GAN: variants seen among roughly 807,000 people sequenced by gnomAD.
GAN encodes the protein epididymis secretory sperm binding protein.
In GAN, 48 loss-of-function variants were observed where a neutral mutation model predicts 71.3. That is an observed-to-expected ratio of 0.67 (90% CI 0.53 to 0.86). The LOEUF is 0.86. GAN is among the 40% of genes least tolerant of loss of function. GAN has a pLI of 0.00. For synonymous variants in GAN, 386 were observed against 276.8 expected, an observed-to-expected ratio of 1.39 and a Z score of -3.92; for missense variants, 928 against 770.1, an observed-to-expected ratio of 1.21 and a Z score of -2.43.
intron 1 of GAN, among the ~76,000 whole-genome samples, chr16:81,350,442 A>C (rs1910261933): frequency 6.6e-6 from 1 of 152,214 alleles, no homozygotes; most frequent in African/African-American, 2.4e-5. Context: ...CCTACTATGG[A>C]GAATAAGTAG....
At position 81,315,296 on chromosome 16, in the gene GAN, C is replaced by G. The variant is rs1377956860; in HGVS notation, c.167+16C>G. On this transcript the variant is annotated intron_variant, in intron 1 of 10. Coordinates refer to ENST00000648994, the MANE Select transcript of GAN (RefSeq NM_022041.4). The stretch of plus-strand genomic sequence containing the variant: ...CGTACATCAGGTGGGGAGGGGGCTA[C>G]GGCGGGCGGGCGCGGCGGTGCTGCC... The G allele has an allele frequency of 2.1e-6, 3 of 1,441,722 alleles. No individual in the cohort carries two copies. The highest frequency in any genetic ancestry group is 2.2e-5 in the Admixed American group (1 of 46,186). 89.3% of individuals were successfully genotyped at this position (1,441,722 alleles called of 1,614,324 possible).
intron 1 of GAN, among the ~76,000 whole-genome samples, chr16:81,343,215 T>G (rs1910004647): frequency 6.6e-6 from 1 of 152,224 alleles, no homozygotes; most frequent in Non-Finnish European, 1.5e-5. Context: ...GTACCATTCC[T>G]TCTGAAACTA....
At chr16:81,324,701 A>G (rs909757601) in intron 1 of GAN, among the ~76,000 whole-genome samples, 6 of 152,226 alleles carry the variant, frequency 3.9e-5, no homozygotes, top group African/African-American at 1.4e-4. Context: ...AGAAAGGGAC[A>G]AAAAAGCAAT....
In GAN at chr16:81,388,315, G is replaced by A. The variant is rs970704487; in HGVS notation, c.*10719G>A. The A allele has an allele frequency of 6.6e-6, 1 of 152,316 alleles. No homozygotes were observed. The highest frequency in any genetic ancestry group is 2.4e-5 in the African/African-American group (1 of 41,434). The allele number at this position is 152,316 out of a possible 1,614,324, so 9.4% of individuals were successfully genotyped here. A position where few individuals can be genotyped will look rare whatever the true frequency, so the allele number is the denominator to read the frequency against. On this transcript the variant is annotated 3_prime_UTR_variant, in exon 11 of 11. Coordinates refer to ENST00000648994, the MANE Select transcript of GAN (RefSeq NM_022041.4). ...GGGGGCGAGGAGAATAGCCCTTCTG[G>A]TTCTTCAGACCACATAATGGCCAGA...
intron 1 of GAN, among the ~76,000 whole-genome samples, chr16:81,317,366 G>A (rs775915675): frequency 6.6e-6 from 1 of 152,232 alleles, no homozygotes; most frequent in Non-Finnish European, 1.5e-5. Context: ...CCCGCTTTGT[G>A]CTTCCAGCTT....
At chr16:81,365,153 C>G in intron 8 of GAN, 43 bp downstream of exon 8, 1 of 1,604,626 alleles carries the variant, frequency 6.2e-7, no homozygotes, top group Non-Finnish European at 8.5e-7. Flanking sequence ...CCTTGCTGTT[C>G]ACTGGGTCTG....
chr16:81,339,133 A>G (rs1037297094), intron 1 of GAN, among the ~76,000 whole-genome samples: 2 of 152,220 alleles, frequency 1.3e-5, no homozygotes, highest in Non-Finnish European at 2.9e-5. Flanking sequence ...AGCACCTATT[A>G]ACCCCTTGTT....
chr16:81,371,578 A>G (rs310032), intron 9 of GAN, among the ~76,000 whole-genome samples: 1 of 152,036 alleles, frequency 6.6e-6, no homozygotes, highest in Non-Finnish European at 1.5e-5. Flanking sequence ...AGATGGTTCC[A>G]GGGTTAGTTG....
intron 2 of GAN, among the ~76,000 whole-genome samples, chr16:81,352,417 C>A (rs1386101170): frequency 1.3e-5 from 2 of 152,172 alleles, no homozygotes; most frequent in East Asian, 1.9e-4. Context: ...AAAAATCTTC[C>A]GTGTGAATCA....
chr16:81,370,587 C>A (rs1911006859), intron 9 of GAN, among the ~76,000 whole-genome samples: 6 of 152,210 alleles, frequency 3.9e-5, no homozygotes, highest in Admixed American at 3.9e-4. Flanking sequence ...GAGATTCATC[C>A]CATTGGAAGT....
At chr16:81,329,768 C>T (rs546680972) in intron 1 of GAN, among the ~76,000 whole-genome samples, 2 of 152,148 alleles carry the variant, frequency 1.3e-5, no homozygotes, top group Non-Finnish European at 2.9e-5. Context: ...GTCCCTATAC[C>T]TTGATTAGAC....
intron 9 of GAN, among the ~76,000 whole-genome samples, chr16:81,367,758 C>G (rs1398859364): frequency 6.6e-6 from 1 of 152,148 alleles, no homozygotes; most frequent in Non-Finnish European, 1.5e-5. Context: ...TTCCTATTTT[C>G]CATATGAGGA....
chr16:81,362,759 T>C (rs1910719536), intron 6 of GAN, 148 bp downstream of exon 6: 6 of 697,934 alleles, frequency 8.6e-6, no homozygotes, highest in African/African-American at 5.3e-5. Flanking sequence ...AGTGCCCGGC[T>C]CTCCTCCCCT....
chr16:81,373,793 A>G (rs1904274560), intron 9 of GAN, among the ~76,000 whole-genome samples: 1 of 152,118 alleles, frequency 6.6e-6, no homozygotes, highest in African/African-American at 2.4e-5. Flanking sequence ...AGCAGGCTGG[A>G]GTGCAATGGC....
rs181144780 is a variant in GAN at position 81,354,789 on chromosome 16, T to C, written c.633+34T>C. On this transcript the variant is annotated intron_variant, in intron 3 of 10. Coordinates refer to ENST00000648994, the MANE Select transcript of GAN (RefSeq NM_022041.4). ...CATTTATAACATGGTCAAATTTGCC[T>C]TTTTATTTCTTTTTAATTCAAATTT... 270 of 1,163,372 alleles carry C rather than the reference T, an allele frequency of 2.3e-4. No individual in the cohort carries two copies. The East Asian group carries it at 5.6e-3, about 24-fold the overall frequency. The allele number at this position is 1,163,372 out of a possible 1,614,324, so 72.1% of individuals were successfully genotyped here. A position where few individuals can be genotyped will look rare whatever the true frequency, so the allele number is the denominator to read the frequency against.
Position 81,369,384 on chromosome 16 carries a change from G to C in GAN, c.1502+3906G>C, listed in dbSNP as rs552399582. Among the ~76,000 whole-genome samples, 320 of 152,330 alleles carry C rather than the reference G, an allele frequency of 2.1e-3. 1 individual carries two copies. The highest frequency in any genetic ancestry group is 7.3e-3 in the African/African-American group (302 of 41,572). ...CCATGAAAGAGTAGAAAATGCAGGA[G>C]AGGTGATGCCTATCACATCCCCACT... On this transcript the variant is annotated intron_variant, in intron 9 of 10. Coordinates refer to ENST00000648994, the MANE Select transcript of GAN (RefSeq NM_022041.4).
At chr16:81,340,235 A>C (rs1232142294) in intron 1 of GAN, among the ~76,000 whole-genome samples, 1 of 152,226 alleles carries the variant, frequency 6.6e-6, no homozygotes, top group South Asian at 2.1e-4. Context: ...CACTGTGCCC[A>C]GCCAAAACCT....
chr16:81,369,862 G>T (rs1910981431), intron 9 of GAN, among the ~76,000 whole-genome samples: 1 of 152,148 alleles, frequency 6.6e-6, no homozygotes, highest in Admixed American at 6.5e-5. Context: ...GAGCCACCGC[G>T]CCCAGCCGAT....
In GAN at chr16:81,356,897, G is replaced by C; in HGVS notation, c.746G>C (p.Ser249Thr). 6.2e-7 allele frequency: 1 copy of C among 1,613,870 alleles called. No individual in the cohort carries two copies. The highest frequency in any genetic ancestry group is 8.5e-7 in the Non-Finnish European group (1 of 1,179,784). Residue 249 changes from serine (S) to threonine (T), a missense_variant, in exon 4 of 11, where the codon AGC (serine) becomes ACC (threonine). Ser to Thr is a moderately conservative substitution (Grantham distance 58). Transcript: ENST00000648994. ...GTACGAGAAATTGTCAAAGAGTGTAGCAATATACCGCTCAGCCAGCCGCAG... is the reference window on the plus strand; with the variant it reads ...GTACGAGAAATTGTCAAAGAGTGTACCAATATACCGCTCAGCCAGCCGCAG... ...PLVREIVKEC[S>T]NIPLSQPQQG...
Sources: allele counts gnomAD v4.1 joint callset (sites outside exome capture counted in the v4.1 genomes callset), GRCh38; gene constraint gnomAD v4.1.1; transcripts MANE v1.5; gene names NCBI Gene and HGNC (gene_info 2026-07-23, HGNC 2026-07-21).